Variants in MDGA2 observed in about 807,000 individuals in gnomAD.
MDGA2 encodes MAM domain containing glycosylphosphatidylinositol anchor 2.
A neutral mutation model predicts 117.8 loss-of-function variants in MDGA2; 40 were observed. The observed-to-expected ratio is 0.34, with a 90% CI of 0.26 to 0.44. MDGA2 has a LOEUF of 0.44. Among genes scored for constraint, MDGA2 ranks in the 20% least tolerant of loss-of-function variants. The pLI is 1.00. For synonymous variants in MDGA2, 452 were observed against 439.0 expected (o/e 1.03, Z -0.37); for missense variants, 1,123 against 1,250.6 (o/e 0.90, Z 1.54).
chr14:47,012,007 G>A (rs544612262), intron 8 of MDGA2, among the ~76,000 whole-genome samples: 9 of 141,564 alleles, frequency 6.4e-5, no homozygotes, highest in African/African-American at 1.0e-4. Context: ...TTGTGTCATC[G>A]TTAGCTTTTA....
At chr14:47,313,385 G>A (rs938877687) in intron 1 of MDGA2, among the ~76,000 whole-genome samples, 7 of 151,986 alleles carry the variant, frequency 4.6e-5, no homozygotes, top group Admixed American at 1.3e-4. Flanking sequence ...CAATCCTCCC[G>A]CCTCAGCCTC....
chr14:47,568,930 T>C (rs1267364410), intron 1 of MDGA2, among the ~76,000 whole-genome samples: 1 of 151,924 alleles, frequency 6.6e-6, no homozygotes, highest in Non-Finnish European at 1.5e-5. Context: ...CCCTCACATC[T>C]TACTAAAACA....
At chr14:46,912,621 T>G (rs776198495) in intron 10 of MDGA2, among the ~76,000 whole-genome samples, 2 of 152,200 alleles carry the variant, frequency 1.3e-5, no homozygotes, top group Non-Finnish European at 1.5e-5. Flanking sequence ...TTTAAGTGTC[T>G]TTGAGGTTGC....
Position 47,507,046 on chromosome 14 carries a change from T to C in MDGA2, c.280+167471A>G, listed in dbSNP as rs561119186. Among the ~76,000 whole-genome samples, 11 of 152,066 alleles carry C rather than the reference T, an allele frequency of 7.2e-5. No homozygotes were observed. In the South Asian group the frequency reaches 2.1e-3, roughly 29 times the overall value. On this transcript the variant is annotated intron_variant, in intron 1 of 16. Transcript: ENST00000399232. ...TGTACCATCATTGTGCTCTTCCAAGTTACTTCACTAGAATTTGATAAGAAG... is the reference window on the plus strand; with the variant it reads ...TGTACCATCATTGTGCTCTTCCAAGCTACTTCACTAGAATTTGATAAGAAG...
At chr14:47,525,098 T>C (rs1594899434) in intron 1 of MDGA2, among the ~76,000 whole-genome samples, 2 of 152,216 alleles carry the variant, frequency 1.3e-5, no homozygotes, top group Admixed American at 1.3e-4. Context: ...CTTGCCTATG[T>C]TGAGTCACAA....
intron 1 of MDGA2, among the ~76,000 whole-genome samples, chr14:47,537,173 C>T (rs1472474062): frequency 3.3e-5 from 5 of 151,840 alleles, no homozygotes; most frequent in Admixed American, 6.6e-5. Context: ...ACAAATTCTG[C>T]CAACTGTCAT....
intron 1 of MDGA2, among the ~76,000 whole-genome samples, chr14:47,534,292 A>G (rs1895161280): frequency 6.6e-6 from 1 of 152,218 alleles, no homozygotes; most frequent in African/African-American, 2.4e-5. Context: ...ATAAAAGATC[A>G]AGTAACAATG....
intron 1 of MDGA2, among the ~76,000 whole-genome samples, chr14:47,446,368 ATG>A (rs899151236): frequency 6.6e-6 from 1 of 152,194 alleles, no homozygotes; most frequent in African/African-American, 2.4e-5. Flanking sequence ...AAGAATGATT[ATG>A]TGTTTGTGAC....
chr14:47,027,395 C>A (rs533994331), intron 8 of MDGA2, among the ~76,000 whole-genome samples: 1 of 152,076 alleles, frequency 6.6e-6, no homozygotes, highest in African/African-American at 2.4e-5. Context: ...TCTGTTAAAA[C>A]TAGCTGGTCA....
chr14:47,414,640 G>A (rs1892439225), intron 1 of MDGA2, among the ~76,000 whole-genome samples: 1 of 152,096 alleles, frequency 6.6e-6, no homozygotes, highest in African/African-American at 2.4e-5. Flanking sequence ...AACATACATT[G>A]TACTTGTGGA....
chr14:47,291,757 G>T (rs562369407), intron 2 of MDGA2, among the ~76,000 whole-genome samples: 2 of 152,276 alleles, frequency 1.3e-5, no homozygotes, highest in African/African-American at 4.8e-5. Flanking sequence ...AAAATTCAAA[G>T]TAAGATTTCT....
At chr14:47,529,307 A>C (rs1895044170) in intron 1 of MDGA2, among the ~76,000 whole-genome samples, 1 of 152,166 alleles carries the variant, frequency 6.6e-6, no homozygotes, top group Non-Finnish European at 1.5e-5. Context: ...CCTTTCTTAG[A>C]AATTCTATCA....
chr14:47,028,167 A>AGTG (rs1888542405), intron 8 of MDGA2, among the ~76,000 whole-genome samples: 1 of 152,160 alleles, frequency 6.6e-6, no homozygotes, highest in Non-Finnish European at 1.5e-5. Context: ...TTATCCTTAT[A>AGTG]GTGGCAATGG....
chr14:47,612,209 C>CAAATAGATAGAT (rs139076469), intron 1 of MDGA2, among the ~76,000 whole-genome samples: 48 of 145,812 alleles, frequency 3.3e-4, no homozygotes, highest in East Asian at 1.2e-3. Flanking sequence ...GATAGATAGA[C>CAAATAGATAGAT]AGATAGATAG....
In MDGA2 at chr14:47,072,105, G is replaced by A. The variant is rs922786138; in HGVS notation, c.1196-10527C>T. 1.4e-4 allele frequency among the ~76,000 whole-genome samples: 19 copies of A among 137,198 alleles called. 1 individual carries two copies. The highest frequency in any genetic ancestry group is 5.1e-4 in the African/African-American group (17 of 33,440). The allele number at this position is 137,198 out of a possible 152,430, so 90.0% of individuals were successfully genotyped here. ...AGTTTGTTGGTTGTTGTTGTTTGGG[G>A]GGGGGGGGGTTTGCAGGTATTATAT... On this transcript the variant is annotated intron_variant, in intron 6 of 16. Coordinates refer to ENST00000399232, the MANE Select transcript of MDGA2 (RefSeq NM_001113498.3).
Position 47,035,042 on chromosome 14 carries a change from T to C in MDGA2, c.1788A>G (p.Pro596=), listed in dbSNP as rs764077194. 9 of 1,614,016 alleles carry C rather than the reference T, an allele frequency of 5.6e-6. No homozygotes were observed. In the Admixed American group the frequency reaches 1.3e-4, roughly 24 times the overall value. Residue 596 remains proline, a synonymous_variant, in exon 8 of 17, where the codon CCA becomes CCG. Coordinates refer to ENST00000399232, the MANE Select transcript of MDGA2 (RefSeq NM_001113498.3). ...CGATGAGCTGCACCAAGGCTTCCCT[T>C]GGTTTCACGTTAAATCCATTGTATT... The part of the protein sequence containing the change: ...TSQYNGFNVK[P]REALVQLIVQ...
At chr14:46,893,568 T>C (rs919445336) in intron 10 of MDGA2, among the ~76,000 whole-genome samples, 5 of 152,012 alleles carry the variant, frequency 3.3e-5, no homozygotes, top group Admixed American at 2.6e-4. Flanking sequence ...AATACGTTAA[T>C]TTGCGAGACT....
chr14:47,401,081 C>T (rs1345188605), intron 1 of MDGA2, among the ~76,000 whole-genome samples: 1 of 151,454 alleles, frequency 6.6e-6, no homozygotes, highest in Non-Finnish European at 1.5e-5. Flanking sequence ...CTTTATGTCC[C>T]CAGTACTGTT....
At chr14:46,880,993 AAAG>A (rs1455854996) in intron 11 of MDGA2, among the ~76,000 whole-genome samples, 1 of 130,228 alleles carries the variant, frequency 7.7e-6, no homozygotes, top group Non-Finnish European at 1.6e-5. Context: ...TAGTTAATAA[AAAG>A]AAAACTATCA....
Sources: gnomAD v4.1 joint callset for allele counts (sites outside exome capture counted in the v4.1 genomes callset) on GRCh38, gnomAD v4.1.1 for gene constraint, MANE v1.5 for transcripts, NCBI Gene and HGNC (gene_info 2026-07-23, HGNC 2026-07-21) for gene names.